Variants in DOCK10 observed in about 807,000 individuals in gnomAD.
DOCK10 encodes the protein dedicator of cytokinesis 10, also known as dedicator of cytokinesis protein 10.
In DOCK10, 145 loss-of-function variants were observed where a neutral mutation model predicts 280.1. That is an observed-to-expected ratio of 0.52 (90% CI 0.45 to 0.59). The LOEUF (loss-of-function observed/expected upper bound fraction) is 0.59, where lower values mean the gene tolerates loss of function less well. Ranked by LOEUF, DOCK10 falls within the 20% of genes least tolerant of loss-of-function variation. The pLI is 0.00. For missense variants in DOCK10, 2,368 were observed against 2,651.7 expected, an observed-to-expected ratio of 0.89 and a Z score of 2.35; for synonymous variants, 915 against 942.2, an observed-to-expected ratio of 0.97 and a Z score of 0.53.
At position 224,941,777 on chromosome 2, in the gene DOCK10, G is replaced by A. The variant is rs750551398; in HGVS notation, c.124-10109C>T. ...GAGAATCTCTTGAACCCGGGAGGCA[G>A]AGGTTGCAGTGAGCTGAGATCTCAT... is the stretch of plus-strand genomic sequence containing the variant. On this transcript the variant is annotated intron_variant, in intron 1 of 55. Coordinates refer to ENST00000258390, the MANE Select transcript of DOCK10 (RefSeq NM_014689.3). 8.4e-4 allele frequency among the ~76,000 whole-genome samples: 127 copies of A among 150,966 alleles called. 2 individuals carry two copies. Among genetic ancestry groups the A allele is most frequent in the Admixed American group, 6.4e-3 (97 of 15,180 alleles).
chr2:224,765,730 A>G lies in DOCK10; in HGVS notation c.6552T>C (p.Ala2184=). ...ALPTVSISSS[A]EV Reference sequence around the variant, plus strand: ...TGATGCTGCAGAGCCCTCAGACTTCAGCACTAGATGAGATGGAGACCGTGG... The same window carrying G: ...TGATGCTGCAGAGCCCTCAGACTTCGGCACTAGATGAGATGGAGACCGTGG... The change falls in exon 56 of 56, where the codon GCT becomes GCC. Residue 2184 remains alanine (A), a synonymous_variant. Transcript: ENST00000258390. 1 of 1,612,810 alleles carries G rather than the reference A, an allele frequency of 6.2e-7. No homozygotes were observed. Among genetic ancestry groups the G allele is most frequent in the Non-Finnish European group, 8.5e-7 (1 of 1,178,980 alleles).
chr2:225,031,970 C>A (rs556899290), intron 1 of DOCK10, among the ~76,000 whole-genome samples: 2 of 152,286 alleles, frequency 1.3e-5, no homozygotes, highest in East Asian at 3.9e-4. Context: ...TCATTGCATT[C>A]TTAAATAACC....
At position 224,852,453 on chromosome 2, in the gene DOCK10, G is replaced by A. The variant is rs755891171; in HGVS notation, c.2077-11C>T. The A allele has an allele frequency of 1.5e-4, 233 of 1,545,416 alleles. No individual in the cohort carries two copies. The highest frequency in any genetic ancestry group is 3.2e-4 in the African/African-American group (23 of 72,890). On this transcript the variant is annotated splice_polypyrimidine_tract_variant and intron_variant, in intron 17 of 55. Coordinates refer to ENST00000258390, the MANE Select transcript of DOCK10 (RefSeq NM_014689.3). ...AGTTATATTCCGTGCCTGAAATTAC[G>A]GAGAGAAAAAATGGAAATTGTAATT... is the stretch of plus-strand genomic sequence containing the variant.
At chr2:224,887,130 G>A (rs1401079311) in intron 4 of DOCK10, among the ~76,000 whole-genome samples, 2 of 152,128 alleles carry the variant, frequency 1.3e-5, no homozygotes, top group Non-Finnish European at 2.9e-5. Context: ...AATTTGAAAG[G>A]TTGGGGAGTT....
chr2:225,018,487 C>CAT (rs975989728), intron 1 of DOCK10, among the ~76,000 whole-genome samples: 1 of 136,732 alleles, frequency 7.3e-6, no homozygotes, highest in East Asian at 2.0e-4. Flanking sequence ...ACCATGTAAA[C>CAT]ATATATATAT....
rs745565308 is a variant in DOCK10 at position 224,874,117 on chromosome 2, G to C, written c.1136C>G (p.Pro379Arg). 1 of 1,604,394 alleles carries C rather than the reference G, an allele frequency of 6.2e-7. No homozygotes were observed. The highest frequency in any genetic ancestry group is 8.5e-7 in the Non-Finnish European group (1 of 1,175,370). Residue 379 changes from proline to arginine, a missense_variant, in exon 11 of 56, where the codon CCT becomes CGT. Pro to Arg is a moderately radical substitution (Grantham distance 103). This residue lies in a region of DOCK10 where 1,209 missense variants were observed against 1,250.9 expected (regional missense o/e 0.97). Coordinates refer to ENST00000258390, the MANE Select transcript of DOCK10 (RefSeq NM_014689.3). ...TTCAAATGGTTTGATCACAGACTCA[G>C]GTTCCAAGAGATCTTTTTTTTGAAG... ...LKLQKKDLLE[P>R]ESVIKPFEEK...
chr2:224,983,594 G>C, intron 1 of DOCK10: 1 of 330,388 alleles, frequency 3.0e-6, no homozygotes, highest in Non-Finnish European at 6.1e-6. Flanking sequence ...TTGCTGTAAC[G>C]TGTGGCCGCC....
Position 224,853,123 on chromosome 2 carries a change from C to A in DOCK10, c.1889-1G>T. On this transcript the variant is annotated splice_acceptor_variant, in intron 16 of 55. Coordinates refer to ENST00000258390, the MANE Select transcript of DOCK10 (RefSeq NM_014689.3). LOFTEE classifies it high-confidence loss of function. ...GGGATAAAGGACGATGTTACACAAT[C>A]TTAAAAAATCAGAAAATAAGAGTTT... 3.9e-6 allele frequency: 6 copies of A among 1,552,466 alleles called. No individual in the cohort carries two copies. The highest frequency in any genetic ancestry group is 5.2e-6 in the Non-Finnish European group (6 of 1,146,996).
chr2:224,961,426 CTT>C (rs1248324426), intron 1 of DOCK10, among the ~76,000 whole-genome samples: 1 of 122,442 alleles, frequency 8.2e-6, no homozygotes, highest in Non-Finnish European at 1.7e-5. Flanking sequence ...TTCTTTCTTT[CTT>C]TCTTTCTTTC....
chr2:224,996,494 A>T (rs1466507498), intron 1 of DOCK10, among the ~76,000 whole-genome samples: 1 of 152,210 alleles, frequency 6.6e-6, no homozygotes, highest in Non-Finnish European at 1.5e-5. Flanking sequence ...ATGCCCATAT[A>T]ATTGACCATC....
At chr2:224,967,808 G>A (rs1370683565) in intron 1 of DOCK10, among the ~76,000 whole-genome samples, 1 of 151,246 alleles carries the variant, frequency 6.6e-6, no homozygotes, top group Admixed American at 6.6e-5. Context: ...GGGACTATAG[G>A]GAAGAAGTTT....
intron 1 of DOCK10, among the ~76,000 whole-genome samples, chr2:224,986,165 A>G (rs1005949158): frequency 1.3e-5 from 2 of 152,182 alleles, no homozygotes; most frequent in African/African-American, 2.4e-5. Flanking sequence ...GCTATCCTCT[A>G]TAAGGCATCA....
At chr2:224,798,010 A>C (rs754939995) in intron 41 of DOCK10, 41 bp from the exon 42 acceptor site, 51 of 1,588,708 alleles carry the variant, frequency 3.2e-5, no homozygotes, top group Middle Eastern at 1.7e-4. Context: ...TAAGTGAAAG[A>C]AAATTTTCAT....
rs145153069 is a variant in DOCK10 at position 224,997,356 on chromosome 2, C to T, written c.123+44896G>A. 8.6e-3 allele frequency among the ~76,000 whole-genome samples: 1,312 copies of T among 152,106 alleles called. 27 individuals carry two copies. Among genetic ancestry groups the T allele is most frequent in the African/African-American group, 0.029 (1,186 of 41,490 alleles). ...ATGTGATTCTCCTGCCTCAGCCTCC[C>T]GAGTAGCTGGACTTACAGGTGCCTG... On this transcript the variant is annotated intron_variant, in intron 1 of 55. Coordinates refer to ENST00000258390, the MANE Select transcript of DOCK10 (RefSeq NM_014689.3).
At position 224,830,920 on chromosome 2, in the gene DOCK10, T is replaced by TTTTATTTATTTA. The variant is rs61701805; in HGVS notation, c.2965-320_2965-309dup. 6.4e-3 allele frequency among the ~76,000 whole-genome samples: 958 copies of TTTTATTTATTTA among 148,608 alleles called. 5 individuals carry two copies. The highest frequency in any genetic ancestry group is 0.021 in the Middle Eastern group (6 of 290). ...CCTAGTTAAACAAAACTAAACAAACTTTTATTTATTTATTTATTTATTTAT... is the reference window on the plus strand; with the variant it reads ...CCTAGTTAAACAAAACTAAACAAACTTTTATTTATTTATTTATTTATTTATTTATTTATTTAT... On this transcript the variant is annotated intron_variant, in intron 26 of 55. Coordinates refer to ENST00000258390, the MANE Select transcript of DOCK10 (RefSeq NM_014689.3).
intron 1 of DOCK10, among the ~76,000 whole-genome samples, chr2:225,031,275 T>C (rs1170507840): frequency 6.6e-6 from 1 of 152,208 alleles, no homozygotes; most frequent in African/African-American, 2.4e-5. Flanking sequence ...ATTTCCATAC[T>C]GTATTATCCT....
rs774460977 is a variant in DOCK10, at chr2:224,774,912, G to A, written c.6006C>T (p.Ile2002=). ...CCGGCTACCTGCACCTACTTGTCAG[G>A]ATCGTCCGCCGCTTGCACTGCTCCG... ...GVAEQCKRRT[I]LTTSHLFPYV... The change falls in exon 52 of 56, where the codon ATC becomes ATT. Residue 2002 remains isoleucine (I), a synonymous_variant. Transcript: ENST00000258390. 5 of 1,589,982 alleles carry A rather than the reference G, an allele frequency of 3.1e-6. No individual in the cohort carries two copies. The Admixed American group carries it at 7.1e-5, about 23-fold the overall frequency.
chr2:224,959,591 G>C, intron 1 of DOCK10, among the ~76,000 whole-genome samples: 1 of 152,162 alleles, frequency 6.6e-6, no homozygotes, highest in South Asian at 2.1e-4. Context: ...TACTTCAGAA[G>C]GAAACAGCTG....
intron 8 of DOCK10, among the ~76,000 whole-genome samples, chr2:224,875,546 A>AT (rs1365096624): frequency 6.6e-6 from 1 of 152,166 alleles, no homozygotes; most frequent in Non-Finnish European, 1.5e-5. Context: ...GGAGAAAAAA[A>AT]ATTTAATTTT....
Sources: gnomAD v4.1 joint callset for allele counts (sites outside exome capture counted in the v4.1 genomes callset) on GRCh38, gnomAD v4.1.1 for gene constraint, gnomAD v4.1.1 regional missense constraint, MANE v1.5 for transcripts, NCBI Gene and HGNC (gene_info 2026-07-23, HGNC 2026-07-21) for gene names.